The following NAV3 variants were observed in gnomAD, a reference collection of about 807,000 sequenced individuals.
NAV3 encodes the protein neuron navigator 3.
In NAV3, 87 loss-of-function variants were observed where a neutral mutation model predicts 244.7. That is an observed-to-expected ratio of 0.36 (90% confidence interval 0.30 to 0.42). NAV3 has a LOEUF of 0.42. Ranked by LOEUF, NAV3 falls within the 20% of genes least tolerant of loss-of-function variation. NAV3 has a pLI of 1.00. For missense variants in NAV3, 2,663 were observed against 2,893.3 expected, an observed-to-expected ratio of 0.92 and a Z score of 1.83; for synonymous variants, 1,126 against 1,042.2, an observed-to-expected ratio of 1.08 and a Z score of -1.55.
chr12:78,082,113 C>T (rs1189624260), intron 12 of NAV3, among the ~76,000 whole-genome samples: 2 of 152,150 alleles, frequency 1.3e-5, no homozygotes, highest in African/African-American at 4.8e-5. Flanking sequence ...AAGGGGAGTT[C>T]CCCTACAAAA....
intron 38 of NAV3, 93 bp from the exon 39 acceptor site, chr12:78,204,842 A>G (rs1258470420): frequency 4.5e-6 from 5 of 1,104,880 alleles, no homozygotes; most frequent in Middle Eastern, 2.2e-4. Flanking sequence ...TAAGAACTCA[A>G]TATGTCAAAA....
At chr12:77,662,725 A>G (rs981299800) in intron 2 of NAV3, among the ~76,000 whole-genome samples, 1 of 152,150 alleles carries the variant, frequency 6.6e-6, no homozygotes, top group Non-Finnish European at 1.5e-5. Context: ...ATATATTTAC[A>G]TTTCCTGAGG....
chr12:78,078,882 A>G (rs1953205509), intron 12 of NAV3, among the ~76,000 whole-genome samples: 1 of 152,174 alleles, frequency 6.6e-6, no homozygotes, highest in Admixed American at 6.5e-5. Flanking sequence ...ATACTTAACC[A>G]CTTTAGCAAG....
chr12:77,578,003 C>A (rs948954681), intron 2 of NAV3, among the ~76,000 whole-genome samples: 9 of 151,930 alleles, frequency 5.9e-5, no homozygotes, highest in Non-Finnish European at 1.3e-4. Flanking sequence ...CTAATTGTCT[C>A]CAAAATTGAT....
chr12:77,765,627 GA>G (rs1236089066), intron 2 of NAV3, among the ~76,000 whole-genome samples: 1 of 152,176 alleles, frequency 6.6e-6, no homozygotes, highest in Non-Finnish European at 1.5e-5. Context: ...GAAGGAACAG[GA>G]AGTATTAGAG....
At chr12:78,123,912 T>C (rs1300342859) in intron 16 of NAV3, among the ~76,000 whole-genome samples, 1 of 152,234 alleles carries the variant, frequency 6.6e-6, no homozygotes, top group Non-Finnish European at 1.5e-5. Context: ...TAAATGGGCA[T>C]CTTCACATGT....
At chr12:77,684,030 G>A (rs1874594333) in intron 2 of NAV3, among the ~76,000 whole-genome samples, 2 of 152,166 alleles carry the variant, frequency 1.3e-5, no homozygotes, top group South Asian at 4.1e-4. Context: ...TTCTACAGAT[G>A]TTGAACAATT....
chr12:77,724,806 A>C (rs1288440189), intron 2 of NAV3, among the ~76,000 whole-genome samples: 2 of 152,012 alleles, frequency 1.3e-5, no homozygotes, highest in Non-Finnish European at 2.9e-5. Context: ...ATGTAATTGA[A>C]GATACTGTAT....
chr12:77,739,272 A>G (rs547231599), intron 2 of NAV3, among the ~76,000 whole-genome samples: 54 of 152,290 alleles, frequency 3.5e-4, no homozygotes, highest in Admixed American at 7.2e-4. Flanking sequence ...ATCATTCTGT[A>G]TCCTGATAAA....
At chr12:77,608,585 G>A (rs1366993481) in intron 2 of NAV3, among the ~76,000 whole-genome samples, 1 of 152,030 alleles carries the variant, frequency 6.6e-6, no homozygotes, top group Non-Finnish European at 1.5e-5. Flanking sequence ...AAGCAGCTGA[G>A]GTCACACCTT....
chr12:77,910,338 G>C (rs1439269773), intron 1 of NAV3, among the ~76,000 whole-genome samples: 1 of 151,850 alleles, frequency 6.6e-6, no homozygotes, highest in Admixed American at 6.6e-5. Flanking sequence ...GTGTCAGACT[G>C]TTTAAACAAC....
chr12:77,957,991 T>C (rs1274711152), intron 3 of NAV3, among the ~76,000 whole-genome samples: 1 of 152,188 alleles, frequency 6.6e-6, no homozygotes, highest in Non-Finnish European at 1.5e-5. Flanking sequence ...ATACACACTC[T>C]ATGGTTGATA....
chr12:77,761,627 G>A (rs898776670), intron 2 of NAV3, among the ~76,000 whole-genome samples: 1 of 152,096 alleles, frequency 6.6e-6, no homozygotes, highest in Admixed American at 6.5e-5. Flanking sequence ...GATATGAACA[G>A]ACACTTCTCA....
intron 1 of NAV3, among the ~76,000 whole-genome samples, chr12:77,867,131 T>C (rs974843185): frequency 1.3e-5 from 2 of 152,210 alleles, no homozygotes; most frequent in Admixed American, 6.5e-5. Flanking sequence ...GCTTTCATAA[T>C]TCCCATGTGT....
At chr12:78,040,290 G>A (rs1880638208) in intron 9 of NAV3, among the ~76,000 whole-genome samples, 2 of 152,080 alleles carry the variant, frequency 1.3e-5, no homozygotes, top group South Asian at 4.1e-4. Flanking sequence ...GCGTTGGAAA[G>A]AAAAGGTCCA....
chr12:78,090,918 C>T (rs1953892943), intron 12 of NAV3, among the ~76,000 whole-genome samples: 1 of 149,110 alleles, frequency 6.7e-6, no homozygotes, highest in Non-Finnish European at 1.5e-5. Flanking sequence ...TGGTGTTTTG[C>T]AAGGTGTCAG....
intron 1 of NAV3, among the ~76,000 whole-genome samples, chr12:77,887,391 C>T (rs1883417821): frequency 6.6e-6 from 1 of 152,100 alleles, no homozygotes; most frequent in Non-Finnish European, 1.5e-5. Flanking sequence ...AGTATGAGTA[C>T]TTATTGCCTT....
intron 2 of NAV3, among the ~76,000 whole-genome samples, chr12:77,782,789 G>A (rs1463656208): frequency 6.6e-6 from 1 of 152,176 alleles, no homozygotes; most frequent in Non-Finnish European, 1.5e-5. Context: ...AAAATATCAT[G>A]TTGCTATTAT....
At chr12:77,853,900 A>G (rs541191441) in intron 1 of NAV3, among the ~76,000 whole-genome samples, 9 of 152,318 alleles carry the variant, frequency 5.9e-5, no homozygotes, top group African/African-American at 1.9e-4. Flanking sequence ...TATCTATTCA[A>G]CACATATTAT....
Sources: gnomAD v4.1 joint callset for allele counts (sites outside exome capture counted in the v4.1 genomes callset) on GRCh38, gnomAD v4.1.1 for gene constraint, MANE v1.5 for transcripts, NCBI Gene and HGNC (gene_info 2026-07-23, HGNC 2026-07-21) for gene names.